The following LIMA1 variants were observed in gnomAD, a reference collection of about 807,000 sequenced individuals.
LIMA1 encodes LIM domain and actin-binding protein 1.
In LIMA1, 52 loss-of-function variants were observed where a neutral mutation model predicts 62.6. The observed-to-expected ratio is 0.83, with a 90% CI of 0.67 to 1.05. LIMA1 has a LOEUF of 1.05. Among genes scored for constraint, LIMA1 ranks in the 50% least tolerant of loss-of-function variants. The pLI, the probability that LIMA1 is intolerant of heterozygous loss-of-function variation, is 0.00. For synonymous variants in LIMA1, 302 were observed against 317.8 expected, an observed-to-expected ratio of 0.95 and a Z score of 0.53; for missense variants, 780 against 902.2, an observed-to-expected ratio of 0.86 and a Z score of 1.74.
At position 50,193,673 on chromosome 12, in the gene LIMA1, T is replaced by A. The variant is rs868541191; in HGVS notation, c.1031-1112A>T. 5.1e-3 allele frequency among the ~76,000 whole-genome samples: 654 copies of A among 128,782 alleles called. 16 individuals are homozygous for A. Among genetic ancestry groups the A allele is most frequent in the African/African-American group, 0.018 (595 of 33,026 alleles). The allele number at this position is 128,782 out of a possible 152,430, so 84.5% of individuals were successfully genotyped here. ...GTGTATATATATATATATATTTTTTTTTTTTTTTTTTTTCAGAGTCTCACT... is the reference window on the plus strand; with the variant it reads ...GTGTATATATATATATATATTTTTTATTTTTTTTTTTTTCAGAGTCTCACT... On this transcript the variant is annotated intron_variant, in intron 8 of 10. Coordinates refer to ENST00000341247, the MANE Select transcript of LIMA1 (RefSeq NM_016357.5).
intron 1 of LIMA1, among the ~76,000 whole-genome samples, chr12:50,280,479 T>C (rs1370185135): frequency 6.6e-6 from 1 of 152,080 alleles, no homozygotes; most frequent in Non-Finnish European, 1.5e-5. Flanking sequence ...TATTAAGAAA[T>C]TATTTAAAAG....
rs1415818741 is a variant in LIMA1, at chr12:50,231,650, T to G, written c.165+15A>C. The G allele has an allele frequency of 1.2e-6, 2 of 1,605,520 alleles. No individual in the cohort carries two copies. The highest frequency in any genetic ancestry group is 1.7e-6 in the Non-Finnish European group (2 of 1,179,338). On this transcript the variant is annotated intron_variant, in intron 3 of 10. Coordinates refer to ENST00000341247, the MANE Select transcript of LIMA1 (RefSeq NM_016357.5). ...TCAAGAAGTGCCACATGCCCTGGAA[T>G]TTCTGAATACTTACACTTCTCTTCT...
chr12:50,185,380 T>C, intron 9 of LIMA1: 1 of 456,100 alleles, frequency 2.2e-6, no homozygotes, highest in Non-Finnish European at 4.4e-6. Flanking sequence ...AAGCTGAAAG[T>C]TGAGCTCACA....
At position 50,206,086 on chromosome 12, in the gene LIMA1, A is replaced by G. The variant is rs533446981; in HGVS notation, c.631-18T>C. 7 of 1,606,898 alleles carry G rather than the reference A, an allele frequency of 4.4e-6. No homozygotes were observed. In the Admixed American group the frequency reaches 5.0e-5, roughly 12 times the overall value. On this transcript the variant is annotated intron_variant, in intron 4 of 10. Coordinates refer to ENST00000341247, the MANE Select transcript of LIMA1 (RefSeq NM_016357.5). ...CGGAGAATCTGGAAAACGAAACCCA[A>G]CGATAAGTTTTGCAGAAACAATGGG...
At chr12:50,203,108 C>T (rs1941085586) in intron 6 of LIMA1, among the ~76,000 whole-genome samples, 1 of 148,156 alleles carries the variant, frequency 6.7e-6, no homozygotes, top group African/African-American at 2.5e-5. Context: ...CTCCTAGGTT[C>T]AAGTGATTCT....
At chr12:50,271,148 G>A (rs1942207269) in intron 1 of LIMA1, among the ~76,000 whole-genome samples, 1 of 152,066 alleles carries the variant, frequency 6.6e-6, no homozygotes, top group Non-Finnish European at 1.5e-5. Flanking sequence ...GCTTACGCCT[G>A]TAATCCCAGC....
intron 6 of LIMA1, chr12:50,204,298 ACT>A: frequency 2.8e-6 from 1 of 363,346 alleles, no homozygotes; most frequent in Non-Finnish European, 4.9e-6. Flanking sequence ...AGCCAGGGAA[ACT>A]CTCAATGATA....
chr12:50,181,784 T>G, intron 10 of LIMA1, 120 bp downstream of exon 10: 1 of 1,070,850 alleles, frequency 9.3e-7, no homozygotes, highest in South Asian at 1.7e-5. Context: ...TTTTACTTTA[T>G]TCAAGAGCCT....
At chr12:50,200,953 T>C in intron 6 of LIMA1, 69 bp from the exon 7 acceptor site, 1 of 1,563,760 alleles carries the variant, frequency 6.4e-7, no homozygotes, top group Non-Finnish European at 8.6e-7. Context: ...ATAGCACATC[T>C]ATTAGATAAA....
intron 4 of LIMA1, among the ~76,000 whole-genome samples, chr12:50,206,992 T>C (rs1411035355): frequency 1.3e-5 from 2 of 152,142 alleles, no homozygotes; most frequent in Non-Finnish European, 2.9e-5. Flanking sequence ...TGATGTGATC[T>C]TGGCTCACTG....
chr12:50,183,663 T>C (rs1940556907), intron 9 of LIMA1, among the ~76,000 whole-genome samples: 1 of 151,670 alleles, frequency 6.6e-6, no homozygotes, highest in Non-Finnish European at 1.5e-5. Flanking sequence ...ATACAAAAAT[T>C]AGCCGGGCAT....
At chr12:50,226,695 TG>T (rs756485925) in intron 3 of LIMA1, among the ~76,000 whole-genome samples, 1 of 151,908 alleles carries the variant, frequency 6.6e-6, no homozygotes, top group Non-Finnish European at 1.5e-5. Context: ...AAAAATTAGG[TG>T]GGCGTGGTGG....
At chr12:50,230,598 C>T (rs1178629370) in intron 3 of LIMA1, among the ~76,000 whole-genome samples, 2 of 151,932 alleles carry the variant, frequency 1.3e-5, no homozygotes, top group Admixed American at 6.6e-5. Flanking sequence ...GACAGAGTCT[C>T]GCTCTGGCTG....
Position 50,265,029 on chromosome 12 carries a change from T to G in LIMA1, c.-23-16255A>C, listed in dbSNP as rs777086198. Among the ~76,000 whole-genome samples the G allele has an allele frequency of 7.4e-4, 112 of 151,778 alleles. 1 individual carries two copies. The highest frequency in any genetic ancestry group is 2.6e-4 in the Admixed American group (4 of 15,212). ...TTAGCCGGGTGTGGTGGTGGGTGCC[T>G]GTGGTTCCAGCTACTTGACAGGCTG... On this transcript the variant is annotated intron_variant, in intron 1 of 10. Transcript: ENST00000341247.
At chr12:50,247,668 G>A (rs1375245672) in intron 2 of LIMA1, among the ~76,000 whole-genome samples, 1 of 144,520 alleles carries the variant, frequency 6.9e-6, no homozygotes, top group African/African-American at 2.6e-5. Flanking sequence ...CTGTTGCCCA[G>A]GCTGTAGTGC....
intron 8 of LIMA1, 42 bp from the exon 9 acceptor site, chr12:50,192,603 G>A (rs762888400): frequency 7.0e-7 from 1 of 1,435,414 alleles, no homozygotes; most frequent in Non-Finnish European, 9.8e-7. Context: ...AGTATCTCAT[G>A]GAATGTCTTG....
chr12:50,212,407 T>C (rs1228357582), intron 4 of LIMA1, among the ~76,000 whole-genome samples: 1 of 152,186 alleles, frequency 6.6e-6, no homozygotes, highest in Admixed American at 6.6e-5. Context: ...AATCGGGGCA[T>C]AGATAAAACC....
At chr12:50,283,199 G>A (rs1239650979) in intron 1 of LIMA1, among the ~76,000 whole-genome samples, 2 of 151,878 alleles carry the variant, frequency 1.3e-5, no homozygotes, top group African/African-American at 4.8e-5. Context: ...TCCCGCCCTT[G>A]GGCAGCAAAG....
intron 1 of LIMA1, 97 bp from the exon 2 acceptor site, chr12:50,248,871 C>T (rs1941888648): frequency 1.5e-6 from 1 of 681,352 alleles, no homozygotes; most frequent in Admixed American, 2.2e-5. Context: ...ACTTGCAGAC[C>T]ACACTCCTCC....
Sources: gnomAD v4.1 joint callset for allele counts (sites outside exome capture counted in the v4.1 genomes callset) on GRCh38, gnomAD v4.1.1 for gene constraint, MANE v1.5 for transcripts, NCBI Gene and HGNC (gene_info 2026-07-23, HGNC 2026-07-21) for gene names.